TESK2: variants seen among roughly 807,000 people sequenced by gnomAD.
The protein encoded by TESK2 is dual specificity testis-specific protein kinase 2.
A neutral mutation model predicts 57.1 loss-of-function variants in TESK2; 39 were observed. The ratio of observed to expected loss-of-function variants is 0.68; its 90% CI spans 0.53 to 0.89. TESK2 has a LOEUF of 0.89. Ranked by LOEUF, TESK2 falls within the 40% of genes least tolerant of loss-of-function variation. TESK2 has a pLI of 0.00. For synonymous variants in TESK2, 249 were observed against 267.9 expected (o/e 0.93, Z 0.69); for missense variants, 646 against 732.1 (o/e 0.88, Z 1.36).
intron 1 of TESK2, among the ~76,000 whole-genome samples, chr1:45,482,654 G>A (rs985648445): frequency 3.3e-5 from 5 of 150,430 alleles, no homozygotes; most frequent in African/African-American, 1.2e-4. Flanking sequence ...AATGCCAACA[G>A]CAACAGCAGT....
intron 1 of TESK2, among the ~76,000 whole-genome samples, chr1:45,465,217 T>C (rs1652495572): frequency 1.3e-5 from 2 of 150,598 alleles, no homozygotes; most frequent in South Asian, 2.1e-4. Flanking sequence ...GCCTGGGAGA[T>C]AGAGCAAGAC....
At chr1:45,363,342 G>T (rs1301996337) in intron 4 of TESK2, among the ~76,000 whole-genome samples, 1 of 151,940 alleles carries the variant, frequency 6.6e-6, no homozygotes. Context: ...AAAAGATTTA[G>T]CCCTCATTCC....
At chr1:45,345,691 C>T (rs1217923353) in intron 10 of TESK2, 133 bp from the exon 11 acceptor site, 1 of 981,302 alleles carries the variant, frequency 1.0e-6, no homozygotes, top group Non-Finnish European at 1.5e-6. Context: ...GAAACAGACT[C>T]AGAGAGGGGA....
chr1:45,412,784 C>T (rs574556096), intron 3 of TESK2, among the ~76,000 whole-genome samples: 49 of 152,066 alleles, frequency 3.2e-4, no homozygotes, highest in Middle Eastern at 6.8e-3. Flanking sequence ...TTTGGGAGGC[C>T]GAGGTGGGAG....
At chr1:45,391,596 A>G (rs1217140410) in intron 3 of TESK2, among the ~76,000 whole-genome samples, 2 of 152,162 alleles carry the variant, frequency 1.3e-5, no homozygotes, top group African/African-American at 4.8e-5. Context: ...GATTTATTAA[A>G]TGGCATGAAT....
chr1:45,421,716 A>G lies in TESK2; in HGVS notation c.344+9T>C, dbSNP rs1008140567. The G allele has an allele frequency of 6.2e-7, 1 of 1,613,830 alleles. No homozygotes were observed. Among genetic ancestry groups the G allele is most frequent in the Middle Eastern group, 1.6e-4 (1 of 6,062 alleles). ...TTCTCATTGATCAGAAGGAAGGAAAAGCCATTACCTAAGGATGTTGGGATG... is the reference window on the plus strand; with the variant it reads ...TTCTCATTGATCAGAAGGAAGGAAAGGCCATTACCTAAGGATGTTGGGATG... On this transcript the variant is annotated intron_variant, in intron 3 of 10. Transcript: ENST00000372086.
Position 45,473,672 on chromosome 1 carries a change from T to C in TESK2, c.-86-15801A>G, listed in dbSNP as rs144302438. ...AATGACATAACAAAAAGCAAACGCA[T>C]TGGAGTACACACTACTATGTTCAAA... On this transcript the variant is annotated intron_variant, in intron 1 of 10. Coordinates refer to ENST00000372086, the MANE Select transcript of TESK2 (RefSeq NM_007170.3). Among the ~76,000 whole-genome samples, 723 of 152,296 alleles carry C rather than the reference T, an allele frequency of 4.7e-3. 6 individuals are homozygous for C. The highest frequency in any genetic ancestry group is 0.016 in the African/African-American group (675 of 41,570).
intron 2 of TESK2, among the ~76,000 whole-genome samples, chr1:45,431,771 C>A (rs577056495): frequency 1.3e-5 from 2 of 152,116 alleles, no homozygotes; most frequent in South Asian, 4.2e-4. Context: ...TCAAATAGAA[C>A]AAGCAAGGAA....
At chr1:45,379,135 A>G (rs1648549593) in intron 4 of TESK2, among the ~76,000 whole-genome samples, 1 of 152,166 alleles carries the variant, frequency 6.6e-6, no homozygotes, top group Non-Finnish European at 1.5e-5. Flanking sequence ...ATCACAGCAC[A>G]CCAAAAAAAC....
chr1:45,441,976 G>T (rs1570734858), intron 2 of TESK2, among the ~76,000 whole-genome samples: 1 of 151,982 alleles, frequency 6.6e-6, no homozygotes, highest in South Asian at 2.1e-4. Context: ...TGCTCTTGTT[G>T]CCCAAGCTGG....
intron 5 of TESK2, among the ~76,000 whole-genome samples, chr1:45,351,181 C>A (rs1647225306): frequency 6.6e-6 from 1 of 152,238 alleles, no homozygotes; most frequent in African/African-American, 2.4e-5. Flanking sequence ...CAGCTGCCCC[C>A]AAGAGCCAAG....
chr1:45,412,964 G>A (rs1650093936), intron 3 of TESK2, among the ~76,000 whole-genome samples: 2 of 152,184 alleles, frequency 1.3e-5, no homozygotes, highest in African/African-American at 4.8e-5. Flanking sequence ...AGATTGCAGT[G>A]AGCCTGGGCA....
At chr1:45,397,944 A>G (rs1400077460) in intron 3 of TESK2, among the ~76,000 whole-genome samples, 5 of 152,230 alleles carry the variant, frequency 3.3e-5, no homozygotes, top group African/African-American at 9.6e-5. Flanking sequence ...ATCTCACTCT[A>G]TCACTCAGGC....
chr1:45,406,750 G>T (rs1055891567), intron 3 of TESK2, among the ~76,000 whole-genome samples: 14 of 152,246 alleles, frequency 9.2e-5, no homozygotes, highest in South Asian at 2.1e-4. Flanking sequence ...CTATCTAGAT[G>T]ATTGCAATAG....
At chr1:45,387,300 C>T (rs1028193756) in intron 3 of TESK2, among the ~76,000 whole-genome samples, 4 of 152,038 alleles carry the variant, frequency 2.6e-5, no homozygotes, top group African/African-American at 9.7e-5. Context: ...TTAGTTTACA[C>T]ATTTAAGTGA....
chr1:45,365,107 T>C (rs948295980), intron 4 of TESK2, among the ~76,000 whole-genome samples: 6 of 152,096 alleles, frequency 3.9e-5, no homozygotes, highest in Non-Finnish European at 8.8e-5. Context: ...CTGGCTTGGG[T>C]TAAGGAAGAA....
chr1:45,345,340 G>A lies in TESK2; in HGVS notation c.1216C>T (p.Gln406Ter), dbSNP rs369231197. Residue 406 changes from glutamine to a stop codon, truncating the protein, a stop_gained, in exon 11 of 11, where the codon CAG becomes TAG. Coordinates refer to ENST00000372086, the MANE Select transcript of TESK2 (RefSeq NM_007170.3). LOFTEE classifies it high-confidence loss of function. ...TTGATCTTGCCCCCCATGAGGTCCT[G>A]GCGAGCACTAAAAGGGTTGACTTTG... Reference protein sequence around the residue: ...TPKVNPFSARQDLMGGKIKFF... With the variant: ...TPKVNPFSAR 11 of 1,614,012 alleles carry A rather than the reference G, an allele frequency of 6.8e-6. No individual in the cohort carries two copies. The highest frequency in any genetic ancestry group is 1.3e-5 in the African/African-American group (1 of 74,912).
Position 45,345,561 on chromosome 1 carries a change from G to C in TESK2, c.998-3C>G. ...CCCAGGTGCTTTCTCCAAGAGTCCT[G>C]AAGAATAATCAAGTCTGGGTTACTC... On this transcript the variant is annotated splice_region_variant and splice_polypyrimidine_tract_variant and intron_variant, in intron 10 of 10. Transcript: ENST00000372086. 1 of 1,610,874 alleles carries C rather than the reference G, an allele frequency of 6.2e-7. No homozygotes were observed.
chr1:45,432,758 CTTTTTT>C (rs1300292630), intron 2 of TESK2, among the ~76,000 whole-genome samples: 6 of 87,666 alleles, frequency 6.8e-5, no homozygotes, highest in Middle Eastern at 9.8e-3. Flanking sequence ...AATATTATAA[CTTTTTT>C]TTTTTTTTTT....
Sources: gnomAD v4.1 joint callset for allele counts (sites outside exome capture counted in the v4.1 genomes callset) on GRCh38, gnomAD v4.1.1 for gene constraint, MANE v1.5 for transcripts, NCBI Gene and HGNC (gene_info 2026-07-23, HGNC 2026-07-21) for gene names.